The following TRIP4 variants were observed in gnomAD, a reference collection of about 807,000 sequenced individuals.
TRIP4 encodes the protein thyroid hormone receptor interactor 4.
A neutral mutation model predicts 81.8 loss-of-function variants in TRIP4; 54 were observed. That is an observed-to-expected ratio of 0.66 (90% confidence interval 0.53 to 0.83). TRIP4 has a LOEUF of 0.83. Ranked by LOEUF, TRIP4 falls within the 40% of genes least tolerant of loss-of-function variation. The pLI is 0.00. For missense variants in TRIP4, 662 were observed against 683.6 expected, an observed-to-expected ratio of 0.97 and a Z score of 0.35; for synonymous variants, 270 against 242.8, an observed-to-expected ratio of 1.11 and a Z score of -1.04.
intron 10 of TRIP4, 191 bp downstream of exon 10, chr15:64,424,346 T>A: frequency 1.5e-6 from 1 of 667,502 alleles, no homozygotes; most frequent in Non-Finnish European, 2.3e-6. Flanking sequence ...ACAGTGCAAA[T>A]AAAAATATCA....
intron 11 of TRIP4, among the ~76,000 whole-genome samples, chr15:64,426,965 G>T (rs11853175): frequency 2.4e-4 from 36 of 148,776 alleles, no homozygotes; most frequent in African/African-American, 8.9e-4. Context: ...ATGCCACTGC[G>T]CTCCAGCCTG....
intron 1 of TRIP4, among the ~76,000 whole-genome samples, chr15:64,389,109 A>T (rs114295713): frequency 6.6e-6 from 1 of 152,204 alleles, no homozygotes; most frequent in African/African-American, 2.4e-5. Context: ...TTCACCCGAG[A>T]ACTAAGGAAT....
Position 64,406,369 on chromosome 15 carries a change from A to G in TRIP4, c.737A>G (p.Asp246Gly). Residue 246 changes from aspartate (D) to glycine (G), a missense_variant, in exon 6 of 13, where the codon GAC (aspartate) becomes GGC (glycine). Physicochemically the swap from Asp to Gly is moderately conservative, Grantham distance 94. Coordinates refer to ENST00000261884, the MANE Select transcript of TRIP4 (RefSeq NM_016213.5). Reference sequence around the variant, plus strand: ...GGAAAGGTGGACATCTCTACCAAGGACCTTCTTCCTCATCAAGAATTGCGA... The same window carrying G: ...GGAAAGGTGGACATCTCTACCAAGGGCCTTCTTCCTCATCAAGAATTGCGA... ...NSGKVDISTK[D>G]LLPHQELRIK... 2 of 1,614,170 alleles carry G rather than the reference A, an allele frequency of 1.2e-6. No individual in the cohort carries two copies. Among genetic ancestry groups the G allele is most frequent in the East Asian group, 2.2e-5 (1 of 44,874 alleles).
intron 12 of TRIP4, among the ~76,000 whole-genome samples, chr15:64,448,316 G>A (rs944023204): frequency 5.3e-5 from 8 of 152,068 alleles, no homozygotes; most frequent in African/African-American, 1.9e-4. Flanking sequence ...GGACCTATAG[G>A]GCCTTCATTT....
At chr15:64,396,065 C>T (rs538259917) in intron 3 of TRIP4, among the ~76,000 whole-genome samples, 8 of 151,978 alleles carry the variant, frequency 5.3e-5, no homozygotes, top group South Asian at 2.1e-4. Flanking sequence ...CACACTGCCA[C>T]GCCCAGCTAA....
At chr15:64,442,439 G>C (rs965251971) in intron 11 of TRIP4, among the ~76,000 whole-genome samples, 7 of 151,884 alleles carry the variant, frequency 4.6e-5, no homozygotes, top group African/African-American at 1.7e-4. Context: ...ACTATGCTTG[G>C]CTAATTTTTT....
chr15:64,423,648 G>A (rs1892069018), intron 9 of TRIP4, among the ~76,000 whole-genome samples: 2 of 152,044 alleles, frequency 1.3e-5, no homozygotes. Flanking sequence ...GGAAAGGTTA[G>A]CCTTTGACTC....
intron 12 of TRIP4, among the ~76,000 whole-genome samples, chr15:64,452,984 A>G (rs1204399894): frequency 1.3e-5 from 2 of 152,106 alleles, no homozygotes; most frequent in East Asian, 3.9e-4. Flanking sequence ...CAGGAGTTCA[A>G]GACCAACTTG....
In TRIP4 at chr15:64,409,754, TAAG is replaced by T; in HGVS notation, c.973_975del (p.Lys325del). On this transcript the variant is annotated inframe_deletion, in exon 7 of 13. Transcript: ENST00000261884. ...AACTTCGACACGCCTCTCGACTTTC[TAAG>T]AAGGTCACCATTGACTTTGCAGGAA... is the stretch of plus-strand genomic sequence containing the variant. 2 of 1,614,110 alleles carry T rather than the reference TAAG, an allele frequency of 1.2e-6. No individual in the cohort carries two copies. Among genetic ancestry groups the T allele is most frequent in the South Asian group, 1.1e-5 (1 of 91,082 alleles).
At chr15:64,407,864 A>G (rs1377429398) in intron 6 of TRIP4, among the ~76,000 whole-genome samples, 2 of 152,154 alleles carry the variant, frequency 1.3e-5, no homozygotes, top group South Asian at 2.1e-4. Context: ...TGGGAGGCCA[A>G]GGCAGACGGA....
intron 11 of TRIP4, among the ~76,000 whole-genome samples, chr15:64,443,799 A>T (rs1892567955): frequency 6.6e-6 from 1 of 152,106 alleles, no homozygotes. Flanking sequence ...AGGCAGGAGA[A>T]TCATTTGGGT....
intron 7 of TRIP4, among the ~76,000 whole-genome samples, chr15:64,412,519 G>A (rs535104529): frequency 2.0e-5 from 3 of 149,836 alleles, no homozygotes; most frequent in Non-Finnish European, 3.0e-5. Context: ...TCATCTATAC[G>A]GCTTTCTTAA....
At chr15:64,441,091 G>A (rs1019217447) in intron 11 of TRIP4, among the ~76,000 whole-genome samples, 28 of 151,896 alleles carry the variant, frequency 1.8e-4, no homozygotes, top group Non-Finnish European at 2.1e-4. Flanking sequence ...CCGCCTCCCG[G>A]GTTCACGCCA....
intron 11 of TRIP4, among the ~76,000 whole-genome samples, chr15:64,428,775 T>C (rs76191552): frequency 1.3e-5 from 2 of 150,240 alleles, no homozygotes; most frequent in African/African-American, 4.9e-5. Context: ...CACCTGGCCA[T>C]TTTTTTTTGT....
intron 1 of TRIP4, among the ~76,000 whole-genome samples, chr15:64,393,151 A>ATTTT (rs947519077): frequency 7.7e-6 from 1 of 130,710 alleles, no homozygotes; most frequent in Non-Finnish European, 1.6e-5. Flanking sequence ...TTGTATGTTA[A>ATTTT]TTTTTTTTTT....
At chr15:64,454,553 G>C (rs777518775) in intron 12 of TRIP4, among the ~76,000 whole-genome samples, 1 of 152,150 alleles carries the variant, frequency 6.6e-6, no homozygotes, top group Non-Finnish European at 1.5e-5. Context: ...TATTAAGTCT[G>C]AGGCAGCAAA....
chr15:64,390,112 ATAT>A (rs971683172), intron 1 of TRIP4, among the ~76,000 whole-genome samples: 57 of 147,834 alleles, frequency 3.9e-4, no homozygotes, highest in Non-Finnish European at 7.1e-4. Flanking sequence ...AATATATCAA[ATAT>A]TATATTAAAT....
At chr15:64,406,606 C>A in intron 6 of TRIP4, 147 bp downstream of exon 6, 1 of 962,142 alleles carries the variant, frequency 1.0e-6, no homozygotes, top group Non-Finnish European at 1.5e-6. Flanking sequence ...AGGAGGCCTA[C>A]ATCTTGTTTT....
At chr15:64,396,247 G>A (rs1302170423) in intron 3 of TRIP4, among the ~76,000 whole-genome samples, 1 of 131,314 alleles carries the variant, frequency 7.6e-6, no homozygotes, top group Non-Finnish European at 1.6e-5. Context: ...TAAATAGTGT[G>A]TACTCTTGTA....
Sources: gnomAD v4.1 joint callset for allele counts (sites outside exome capture counted in the v4.1 genomes callset) on GRCh38, gnomAD v4.1.1 for gene constraint, MANE v1.5 for transcripts, NCBI Gene and HGNC (gene_info 2026-07-23, HGNC 2026-07-21) for gene names.